ULK4: variants seen among roughly 807,000 people sequenced by gnomAD.
The protein encoded by ULK4 is inactive serine/threonine-protein kinase ULK4.
ULK4 carries 133 observed loss-of-function variants against 160.6 expected under a neutral mutation model. The ratio of observed to expected loss-of-function variants is 0.83; its 90% CI spans 0.72 to 0.96. The LOEUF is 0.96. Among genes scored for constraint, ULK4 ranks in the 40% least tolerant of loss-of-function variants. The pLI, the probability that ULK4 is intolerant of heterozygous loss-of-function variation, is 0.00. For missense variants in ULK4, 1,580 were observed against 1,499.5 expected (o/e 1.05, Z -0.89); for synonymous variants, 534 against 539.8 (o/e 0.99, Z 0.15).
At chr3:41,517,920 C>T (rs1316483611) in intron 32 of ULK4, among the ~76,000 whole-genome samples, 1 of 152,098 alleles carries the variant, frequency 6.6e-6, no homozygotes, top group Non-Finnish European at 1.5e-5. Context: ...TACATTTGCA[C>T]CAACTTAATA....
At chr3:41,360,421 T>C (rs982147402) in intron 35 of ULK4, among the ~76,000 whole-genome samples, 5 of 152,298 alleles carry the variant, frequency 3.3e-5, no homozygotes, top group Admixed American at 1.3e-4. Context: ...AGTGGGTATA[T>C]ACCTAAAGGA....
chr3:41,943,268 T>C (rs768856483), intron 2 of ULK4, among the ~76,000 whole-genome samples: 1 of 72,972 alleles, frequency 1.4e-5, no homozygotes, highest in Non-Finnish European at 4.7e-5. Context: ...ACCCATTTGT[T>C]TTTCATTTTT....
At chr3:41,318,848 A>C (rs2080194300) in intron 35 of ULK4, among the ~76,000 whole-genome samples, 1 of 152,238 alleles carries the variant, frequency 6.6e-6, no homozygotes, top group Non-Finnish European at 1.5e-5. Flanking sequence ...AATGAAGAGG[A>C]CTTAATCAGT....
chr3:41,763,280 A>C (rs2039049235), intron 21 of ULK4, among the ~76,000 whole-genome samples: 1 of 152,236 alleles, frequency 6.6e-6, no homozygotes, highest in South Asian at 2.1e-4. Flanking sequence ...AACATAAACA[A>C]CAAAGTACAC....
intron 29 of ULK4, among the ~76,000 whole-genome samples, chr3:41,676,279 T>C (rs2035711903): frequency 1.3e-5 from 2 of 152,216 alleles, no homozygotes; most frequent in Admixed American, 1.3e-4. Context: ...TAAGTATCCT[T>C]TTCTTGACCT....
chr3:41,512,514 T>G (rs997575405), intron 32 of ULK4, among the ~76,000 whole-genome samples: 5 of 152,088 alleles, frequency 3.3e-5, no homozygotes, highest in African/African-American at 1.2e-4. Flanking sequence ...AACTCAACCC[T>G]TTTTACAATA....
chr3:41,413,083 C>T (rs1056255434), intron 34 of ULK4, among the ~76,000 whole-genome samples: 7 of 152,016 alleles, frequency 4.6e-5, no homozygotes, highest in African/African-American at 1.2e-4. Flanking sequence ...ACAATCATGG[C>T]GGAAGGTGAA....
intron 31 of ULK4, among the ~76,000 whole-genome samples, chr3:41,567,517 G>A (rs1023984842): frequency 7.0e-6 from 1 of 142,036 alleles, no homozygotes; most frequent in Non-Finnish European, 1.5e-5. Flanking sequence ...GTGCGATCTC[G>A]GCTCACTGAA....
At chr3:41,955,289 C>A (rs1030677974) in intron 1 of ULK4, among the ~76,000 whole-genome samples, 5 of 152,200 alleles carry the variant, frequency 3.3e-5, no homozygotes, top group Admixed American at 1.3e-4. Context: ...GACTCCAACT[C>A]AAAAATCAAT....
chr3:41,615,748 AC>A, intron 30 of ULK4, 31 bp from the exon 31 acceptor site: 1 of 1,599,744 alleles, frequency 6.3e-7, no homozygotes, highest in Non-Finnish European at 8.5e-7. Context: ...AGATAAGTGC[AC>A]ATTAGACAAT....
chr3:41,719,651 C>T (rs1378722886), intron 22 of ULK4, among the ~76,000 whole-genome samples: 1 of 152,176 alleles, frequency 6.6e-6, no homozygotes, highest in African/African-American at 2.4e-5. Context: ...CCACTCCAAA[C>T]CAATAGCAAG....
chr3:41,759,494 G>A (rs773878748), intron 21 of ULK4, among the ~76,000 whole-genome samples: 4 of 152,042 alleles, frequency 2.6e-5, no homozygotes, highest in Non-Finnish European at 4.4e-5. Context: ...CTTTTTAAAC[G>A]TATAAATAAT....
chr3:41,458,179 T>C (rs998930625), intron 33 of ULK4, among the ~76,000 whole-genome samples: 1 of 152,124 alleles, frequency 6.6e-6, no homozygotes, highest in African/African-American at 2.4e-5. Flanking sequence ...TATATGAATA[T>C]GGATTTCAAA....
intron 34 of ULK4, among the ~76,000 whole-genome samples, chr3:41,408,279 T>C (rs539054068): frequency 1.3e-5 from 2 of 151,156 alleles, no homozygotes; most frequent in Non-Finnish European, 3.0e-5. Flanking sequence ...ATAAAAAAAA[T>C]TAGCTGGGCA....
intron 35 of ULK4, among the ~76,000 whole-genome samples, chr3:41,300,805 C>G (rs1298782972): frequency 1.5e-5 from 2 of 136,110 alleles, no homozygotes; most frequent in Non-Finnish European, 3.1e-5. Context: ...TTTCTCTTCT[C>G]TCTTATGATT....
chr3:41,283,405 C>T lies in ULK4; in HGVS notation c.3679-33831G>A, dbSNP rs553164908. Among the ~76,000 whole-genome samples the T allele has an allele frequency of 2.1e-3, 325 of 152,304 alleles. 2 individuals are homozygous for T. The highest frequency in any genetic ancestry group is 6.8e-3 in the African/African-American group (284 of 41,552). Reference sequence around the variant, plus strand: ...AAGACTTAGAACCAACCCAAATGTCCACCAATGATAGACTGGATTAAGAAA... The same window carrying T: ...AAGACTTAGAACCAACCCAAATGTCTACCAATGATAGACTGGATTAAGAAA... On this transcript the variant is annotated intron_variant, in intron 35 of 36. Transcript: ENST00000301831.
At position 41,520,526 on chromosome 3, in the gene ULK4, C is replaced by T. The variant is rs1452758752; in HGVS notation, c.3226+45499G>A. Among the ~76,000 whole-genome samples the T allele has an allele frequency of 2.0e-5, 3 of 152,054 alleles. No homozygotes were observed. The East Asian group carries it at 5.8e-4, about 29-fold the overall frequency. On this transcript the variant is annotated intron_variant, in intron 32 of 36. Transcript: ENST00000301831. ...AATAATGCTGCAATGCATATTTGTG[C>T]AGATTTGTGTATGTGTTTGAGTCCC...
chr3:41,954,369 G>A (rs1576014648), intron 2 of ULK4, among the ~76,000 whole-genome samples: 3 of 118,306 alleles, frequency 2.5e-5, no homozygotes, highest in South Asian at 2.9e-4. Context: ...GAAAAAAAAA[G>A]AGTATAGTTT....
intron 32 of ULK4, among the ~76,000 whole-genome samples, chr3:41,509,933 T>C (rs1196893548): frequency 6.6e-6 from 1 of 152,094 alleles, no homozygotes; most frequent in Non-Finnish European, 1.5e-5. Flanking sequence ...AAACAAGGCA[T>C]TCAGGCAACA....
Sources: gnomAD v4.1 joint callset for allele counts (sites outside exome capture counted in the v4.1 genomes callset) on GRCh38, gnomAD v4.1.1 for gene constraint, MANE v1.5 for transcripts, NCBI Gene and HGNC (gene_info 2026-07-23, HGNC 2026-07-21) for gene names.